EVA1C: variants seen among roughly 807,000 people sequenced by gnomAD.
EVA1C encodes the protein protein eva-1 homolog C.
EVA1C carries 25 observed loss-of-function variants against 45.4 expected under a neutral mutation model. The observed-to-expected ratio is 0.55, with a 90% CI of 0.40 to 0.77. The LOEUF (loss-of-function observed/expected upper bound fraction) is 0.77, where lower values mean the gene tolerates loss of function less well. Among genes scored for constraint, EVA1C ranks in the 30% least tolerant of loss-of-function variants. The pLI is 0.00. For missense variants in EVA1C, 479 were observed against 554.8 expected (o/e 0.86, Z 1.37); for synonymous variants, 190 against 221.2 (o/e 0.86, Z 1.25).
In EVA1C at chr21:32,501,468, T is replaced by G. The variant is rs1486609956; in HGVS notation, c.832T>G (p.Ser278Ala). Residue 278 changes from serine (S) to alanine (A), a missense_variant, in exon 6 of 8, where the codon TCT becomes GCT. Transcript: ENST00000300255. ...TCCAGCCATTGCTAATCTAAAACCT[T>G]CTTTGAAGCAGAAAGATGGTGAATA... ...IDPAIANLKP[S>A]LKQKDGEYGI... 1 of 1,594,892 alleles carries G rather than the reference T, an allele frequency of 6.3e-7. No individual in the cohort carries two copies. Among genetic ancestry groups the G allele is most frequent in the Non-Finnish European group, 8.5e-7 (1 of 1,178,350 alleles).
chr21:32,482,861 T>C (rs1304602940), intron 4 of EVA1C, among the ~76,000 whole-genome samples: 3 of 142,198 alleles, frequency 2.1e-5, no homozygotes, highest in Non-Finnish European at 4.9e-5. Flanking sequence ...TCCCTTTTTT[T>C]TTTTTTTTTT....
At chr21:32,481,109 TTCCCCCA>T (rs1414522664) in intron 4 of EVA1C, among the ~76,000 whole-genome samples, 1 of 152,364 alleles carries the variant, frequency 6.6e-6, no homozygotes, top group Admixed American at 6.5e-5. Flanking sequence ...CTAGGGCTTT[TTCCCCCA>T]GTTTTGGGCC....
At position 32,452,306 on chromosome 21, in the gene EVA1C, C is replaced by G. The variant is rs569718589; in HGVS notation, c.161-1006C>G. 6.6e-6 allele frequency: 1 copy of G among 152,240 alleles called. No individual in the cohort carries two copies. Among genetic ancestry groups the G allele is most frequent in the Non-Finnish European group, 1.5e-5 (1 of 68,128 alleles). 9.4% of individuals were successfully genotyped at this position (152,240 alleles called of 1,614,324 possible). On this transcript the variant is annotated intron_variant, in intron 1 of 7. Coordinates refer to ENST00000300255, the MANE Select transcript of EVA1C (RefSeq NM_058187.5). This position sits in a 1 kb window ranked among gnomAD's most constrained non-coding sequence, Gnocchi z 4.0. ...GCCATCCCAGACCGAGGTTTCTGAC[C>G]CAGACATTGAAACAGGAGGAGTTCC...
intron 3 of EVA1C, among the ~76,000 whole-genome samples, chr21:32,461,293 G>A (rs2035989043): frequency 6.6e-6 from 1 of 152,188 alleles, no homozygotes; most frequent in African/African-American, 2.4e-5. Context: ...AAGGAGTTGG[G>A]GCTCTATCTA....
At chr21:32,413,106 G>T (rs2033895573) in intron 1 of EVA1C, 93 bp downstream of exon 1, 2 of 1,126,996 alleles carry the variant, frequency 1.8e-6, no homozygotes, top group South Asian at 2.6e-5. Flanking sequence ...GGACACGGCG[G>T]GGTAGGATTA....
intron 1 of EVA1C, among the ~76,000 whole-genome samples, chr21:32,416,907 C>T (rs943485809): frequency 6.6e-6 from 1 of 152,190 alleles, no homozygotes; most frequent in Admixed American, 6.5e-5. Context: ...TAAGGCCTTC[C>T]TTGTACCCAA....
At chr21:32,417,037 G>A (rs2034076279) in intron 1 of EVA1C, among the ~76,000 whole-genome samples, 1 of 152,202 alleles carries the variant, frequency 6.6e-6, no homozygotes, top group South Asian at 2.1e-4. Context: ...TGCAGTTATA[G>A]TGCACTGCAG....
rs199906444 is a variant in EVA1C, at chr21:32,514,141, C to T, written c.950-673C>T. Among the ~76,000 whole-genome samples the T allele has an allele frequency of 1.6e-4, 24 of 152,178 alleles. No individual in the cohort carries two copies. The East Asian group carries it at 3.5e-3, about 22-fold the overall frequency. On this transcript the variant is annotated intron_variant, in intron 7 of 7. Coordinates refer to ENST00000300255, the MANE Select transcript of EVA1C (RefSeq NM_058187.5). ...ATTTCATATAAGTGACTCAAGCGTC[C>T]GTGAATTTTGGTAGCCTGGGAGTGT...
Position 32,466,391 on chromosome 21 carries a change from C to G in EVA1C, c.482-1305C>G, listed in dbSNP as rs1303986373. Among the ~76,000 whole-genome samples the G allele has an allele frequency of 6.7e-5, 10 of 150,126 alleles. No homozygotes were observed. The East Asian group carries it at 1.2e-3, about 18-fold the overall frequency. ...CAGAGATCGTGCCACTGCACTCCAG[C>G]CTGGGCGACAGAGCGAGATTCCGTC... On this transcript the variant is annotated intron_variant, in intron 3 of 7. Coordinates refer to ENST00000300255, the MANE Select transcript of EVA1C (RefSeq NM_058187.5).
At chr21:32,468,388 AAAC>A (rs1166154452) in intron 4 of EVA1C, among the ~76,000 whole-genome samples, 8 of 103,436 alleles carry the variant, frequency 7.7e-5, no homozygotes, top group East Asian at 3.7e-4. Flanking sequence ...ACAAACAAAC[AAAC>A]AAAAAAACAA....
chr21:32,418,673 C>T (rs2034146157), intron 1 of EVA1C, among the ~76,000 whole-genome samples: 2 of 152,162 alleles, frequency 1.3e-5, no homozygotes, highest in South Asian at 2.1e-4. Flanking sequence ...GGCTCCAGCA[C>T]CAGGGCTGGC....
chr21:32,459,838 CA>C (rs35572319), intron 3 of EVA1C, among the ~76,000 whole-genome samples: 3,594 of 63,156 alleles, frequency 0.057, 71 homozygotes, highest in African/African-American at 0.17. Flanking sequence ...GAGACTGTCT[CA>C]AAAAAAAAAA....
At chr21:32,449,138 C>G (rs952003037) in intron 1 of EVA1C, among the ~76,000 whole-genome samples, 30 of 152,202 alleles carry the variant, frequency 2.0e-4, no homozygotes, top group African/African-American at 7.0e-4. Context: ...CATACACACA[C>G]ACGTGCAGCT....
intron 1 of EVA1C, among the ~76,000 whole-genome samples, chr21:32,439,073 C>A (rs1264113879): frequency 6.6e-6 from 1 of 150,686 alleles, no homozygotes; most frequent in African/African-American, 2.4e-5. Flanking sequence ...CCGTCTCTAC[C>A]TAAAATACAA....
chr21:32,494,692 A>G (rs2037282949), intron 4 of EVA1C, among the ~76,000 whole-genome samples: 1 of 151,970 alleles, frequency 6.6e-6, no homozygotes, highest in Non-Finnish European at 1.5e-5. Context: ...CTGAGGCAGG[A>G]GAATTGCTTG....
At chr21:32,498,027 T>G (rs568378897) in intron 5 of EVA1C, among the ~76,000 whole-genome samples, 16 of 152,308 alleles carry the variant, frequency 1.1e-4, no homozygotes, top group African/African-American at 3.8e-4. Context: ...AATGCTGAGA[T>G]GAAGGTGAGC....
At chr21:32,501,355 TAA>T (rs1318384799) in intron 5 of EVA1C, 58 bp from the exon 6 acceptor site, 12 of 1,411,190 alleles carry the variant, frequency 8.5e-6, no homozygotes, top group Non-Finnish European at 1.2e-5. Context: ...AAAAATGTAT[TAA>T]GAGTCCACAT....
chr21:32,419,628 T>C (rs377662316), intron 1 of EVA1C, among the ~76,000 whole-genome samples: 1 of 152,150 alleles, frequency 6.6e-6, no homozygotes, highest in East Asian at 1.9e-4. Context: ...GGCAGGAGAA[T>C]CACTTGAACC....
chr21:32,425,384 A>G (rs2034452935), intron 1 of EVA1C, among the ~76,000 whole-genome samples: 1 of 148,684 alleles, frequency 6.7e-6, no homozygotes, highest in Admixed American at 6.7e-5. Context: ...GGGTCTTGCT[A>G]GATTGCCCAG....
Sources: allele counts gnomAD v4.1 joint callset (sites outside exome capture counted in the v4.1 genomes callset), GRCh38; gene constraint gnomAD v4.1.1; non-coding constraint Gnocchi (gnomAD v3.1); transcripts MANE v1.5; gene names NCBI Gene and HGNC (gene_info 2026-07-23, HGNC 2026-07-21).